PRDM15: variants seen among roughly 807,000 people sequenced by gnomAD.
PRDM15 encodes PR/SET domain 15.
In PRDM15, 64 loss-of-function variants were observed where a neutral mutation model predicts 128.6. The observed-to-expected ratio is 0.50, with a 90% CI of 0.41 to 0.61. PRDM15 has a LOEUF of 0.61. Ranked by LOEUF, PRDM15 falls within the 20% of genes least tolerant of loss-of-function variation. The probability of loss-of-function intolerance (pLI) is 0.00; values close to 1 mark genes in which losing one functional copy is unlikely to be tolerated. For synonymous variants in PRDM15, 615 were observed against 621.8 expected (o/e 0.99, Z 0.16); for missense variants, 1,242 against 1,569.1 (o/e 0.79, Z 3.52).
chr21:41,853,562 G>C (rs1022845576), intron 5 of PRDM15, among the ~76,000 whole-genome samples: 4 of 152,132 alleles, frequency 2.6e-5, no homozygotes, highest in African/African-American at 9.7e-5. Context: ...GTTTCTTCAG[G>C]TTTTATGAGG....
At chr21:41,819,242 G>A (rs1034875962) in intron 18 of PRDM15, among the ~76,000 whole-genome samples, 1 of 152,200 alleles carries the variant, frequency 6.6e-6, no homozygotes, top group Admixed American at 6.5e-5. Context: ...TCGCACTATG[G>A]TAGATACCTT....
chr21:41,852,813 A>T (rs566449768), intron 5 of PRDM15, among the ~76,000 whole-genome samples: 2 of 152,258 alleles, frequency 1.3e-5, no homozygotes, highest in South Asian at 4.2e-4. Context: ...GCTCCCCAAA[A>T]TTCACATCCA....
At chr21:41,852,764 C>T (rs1401722354) in intron 5 of PRDM15, among the ~76,000 whole-genome samples, 1 of 152,240 alleles carries the variant, frequency 6.6e-6, no homozygotes, top group Non-Finnish European at 1.5e-5. Context: ...GGCCCCTCTC[C>T]ACCCAGCCCT....
In PRDM15 at chr21:41,816,433, A is replaced by T. The variant is rs540742911; in HGVS notation, c.2261-597T>A. Among the ~76,000 whole-genome samples the T allele has an allele frequency of 2.6e-5, 4 of 152,244 alleles. No homozygotes were observed. The South Asian group carries it at 6.2e-4, about 24-fold the overall frequency. ...AGGCATGTGCGGCTTGGTACACCTG[A>T]CCGTGAGGCTGACACGCACCAGGGA... On this transcript the variant is annotated intron_variant, in intron 18 of 23. Coordinates refer to ENST00000398548, the MANE Select transcript of PRDM15 (RefSeq NM_001040424.3).
intron 5 of PRDM15, among the ~76,000 whole-genome samples, chr21:41,851,973 G>A (rs1412194241): frequency 6.6e-6 from 1 of 152,184 alleles, no homozygotes; most frequent in Non-Finnish European, 1.5e-5. Context: ...GACTGTCCTG[G>A]TAGAATTATT....
chr21:41,798,933 C>G lies in PRDM15; in HGVS notation c.*2307G>C, dbSNP rs954744211. 2.0e-5 allele frequency: 3 copies of G among 152,044 alleles called. No individual in the cohort carries two copies. Among genetic ancestry groups the G allele is most frequent in the Admixed American group, 1.3e-4 (2 of 15,264 alleles). 9.4% of individuals were successfully genotyped at this position (152,044 alleles called of 1,614,324 possible). On this transcript the variant is annotated 3_prime_UTR_variant, in exon 24 of 24. Transcript: ENST00000398548. ...CCTCAGACAGTGACCCTATTAAGAC[C>G]ACGTATGTTTACAGAAAACTTGGGA...
At chr21:41,843,950 TAAA>T (rs1555883669) in intron 6 of PRDM15, among the ~76,000 whole-genome samples, 15 of 123,254 alleles carry the variant, frequency 1.2e-4, no homozygotes, top group African/African-American at 1.8e-4. Context: ...CCTTGTATTG[TAAA>T]AAAAAAAAAA....
rs112884708 is a variant in PRDM15, at chr21:41,821,775, C to T, written c.1896+128G>A. On this transcript the variant is annotated intron_variant, in intron 15 of 23. Coordinates refer to ENST00000398548, the MANE Select transcript of PRDM15 (RefSeq NM_001040424.3). This position sits in a 1 kb window ranked among gnomAD's most constrained non-coding sequence, Gnocchi z 5.4. ...CCCAGTCTGCAGTAGGACCACTGGC[C>T]GGAGCCTTTGGGGAGGGAGGGCTGC... The T allele has an allele frequency of 3.2e-5, 38 of 1,181,090 alleles. 1 individual carries two copies. The highest frequency in any genetic ancestry group is 1.4e-4 in the South Asian group (10 of 73,040). The allele number at this position is 1,181,090 out of a possible 1,614,324, so 73.2% of individuals were successfully genotyped here.
intron 6 of PRDM15, among the ~76,000 whole-genome samples, chr21:41,845,659 G>A (rs1313038711): frequency 6.6e-6 from 1 of 152,116 alleles, no homozygotes; most frequent in Non-Finnish European, 1.5e-5. Context: ...GGAAGTTTCT[G>A]GAGGACCTGG....
At chr21:41,815,684 C>T (rs767569711) in intron 19 of PRDM15, 21 bp downstream of exon 19, 18 of 1,610,560 alleles carry the variant, frequency 1.1e-5, no homozygotes, top group African/African-American at 4.0e-5. Flanking sequence ...GTGGCTGGCG[C>T]GGCCCGGGCC....
In PRDM15 at chr21:41,810,421, A is replaced by G; in HGVS notation, c.2477-92T>C. On this transcript the variant is annotated intron_variant, in intron 20 of 23. Coordinates refer to ENST00000398548, the MANE Select transcript of PRDM15 (RefSeq NM_001040424.3). This position sits in a 1 kb window ranked among gnomAD's most constrained non-coding sequence, Gnocchi z 6.4. ...CATCCCAATGACCCTGGCCTGCTGG[A>G]CGAGGCAAGAAGCCTGTCACGCCCC... 1 of 1,432,898 alleles carries G rather than the reference A, an allele frequency of 7.0e-7. No homozygotes were observed. The highest frequency in any genetic ancestry group is 2.0e-5 in the Admixed American group (1 of 49,806). 88.8% of individuals were successfully genotyped at this position (1,432,898 alleles called of 1,614,324 possible). A position where few individuals can be genotyped will look rare whatever the true frequency, so the allele number is the denominator to read the frequency against.
At chr21:41,865,945 A>G (rs899575117) in intron 1 of PRDM15, among the ~76,000 whole-genome samples, 1 of 152,016 alleles carries the variant, frequency 6.6e-6, no homozygotes, top group Non-Finnish European at 1.5e-5. Context: ...TGGTCTCACT[A>G]TGTTGGCCAG....
Position 41,870,012 on chromosome 21 carries a change from C to T in PRDM15, c.-10+9258G>A, listed in dbSNP as rs1486873192. On this transcript the variant is annotated intron_variant, in intron 1 of 23. Transcript: ENST00000398548. Reference sequence around the variant, plus strand: ...CCAGTCAATGCAGTCTTGATGACTGCAGCTTTAATCAAGTCTCAGAGCTGG... The same window carrying T: ...CCAGTCAATGCAGTCTTGATGACTGTAGCTTTAATCAAGTCTCAGAGCTGG... Among the ~76,000 whole-genome samples the T allele has an allele frequency of 2.0e-5, 3 of 152,204 alleles. No homozygotes were observed. In the East Asian group the frequency reaches 5.8e-4, roughly 29 times the overall value.
intron 1 of PRDM15, among the ~76,000 whole-genome samples, chr21:41,872,661 C>T (rs750700312): frequency 4.6e-5 from 7 of 152,092 alleles, no homozygotes; most frequent in Non-Finnish European, 8.8e-5. Context: ...CTCTTTGTGT[C>T]GGAAACATTC....
chr21:41,859,569 G>T lies in PRDM15; in HGVS notation c.131+23C>A. The T allele has an allele frequency of 6.2e-7, 1 of 1,600,076 alleles. No homozygotes were observed. On this transcript the variant is annotated intron_variant, in intron 3 of 23. Transcript: ENST00000398548. This position sits in a 1 kb window ranked among gnomAD's most constrained non-coding sequence, Gnocchi z 5.3. ...GCCGCAGCTGGCATATGGAAGGCCC[G>T]GGAGCTCACGGCGGTCACTCACCTT...
chr21:41,874,525 A>ATATATATTTTTTTTTTTT, intron 1 of PRDM15, among the ~76,000 whole-genome samples: 2 of 95,828 alleles, frequency 2.1e-5, no homozygotes, highest in Non-Finnish European at 4.0e-5. Context: ...ATATATATAT[A>ATATATATTTTTTTTTTTT]TTTTTTTTTT....
rs773458140 is a variant in PRDM15 at position 41,801,327 on chromosome 21, TGGCAAGACGTCAGTCTGG to T, written c.3321_3338del (p.Gln1108_Pro1113del). The T allele has an allele frequency of 8.9e-6, 14 of 1,581,772 alleles. No individual in the cohort carries two copies. Among genetic ancestry groups the T allele is most frequent in the Non-Finnish European group, 2.6e-6 (3 of 1,161,352 alleles). On this transcript the variant is annotated inframe_deletion, in exon 24 of 24. Coordinates refer to ENST00000398548, the MANE Select transcript of PRDM15 (RefSeq NM_001040424.3). ...GTGGGGGTGCCTGCGGCTGCGAGGGTGGCAAGACGTCAGTCTGGGGCACTGCCCGCCACGTGAGCGGGT... is the reference window on the plus strand; with the variant it reads ...GTGGGGGTGCCTGCGGCTGCGAGGGTGGCACTGCCCGCCACGTGAGCGGGT...
rs1197300989 is a variant in PRDM15, at chr21:41,819,676, C to A, written c.2166G>T (p.Gln722His). 7 of 1,607,652 alleles carry A rather than the reference C, an allele frequency of 4.4e-6. No individual in the cohort carries two copies. Among genetic ancestry groups the A allele is most frequent in the Non-Finnish European group, 5.9e-6 (7 of 1,178,724 alleles). Reference sequence around the variant, plus strand: ...CCTTCCTGGCAAAGGACTTCCCACACTGCTCGCAGGCGTGGCTCTTCACAC... The same window carrying A: ...CCTTCCTGGCAAAGGACTTCCCACAATGCTCGCAGGCGTGGCTCTTCACAC... Reference protein sequence around the residue: ...HTGVKSHACEQCGKSFARKDM... With the variant: ...HTGVKSHACEHCGKSFARKDM... Residue 722 changes from glutamine (Q) to histidine (H), a missense_variant, in exon 18 of 24, where the codon CAG (glutamine) becomes CAT (histidine). Physicochemically the swap from Gln to His is conservative, Grantham distance 24 (BLOSUM62 0). Transcript: ENST00000398548.
intron 5 of PRDM15, among the ~76,000 whole-genome samples, chr21:41,848,488 C>G (rs1247090607): frequency 6.6e-6 from 1 of 152,364 alleles, no homozygotes; most frequent in African/African-American, 2.4e-5. Flanking sequence ...TACGCTTGCT[C>G]TCTGAGAATC....
Sources: allele counts gnomAD v4.1 joint callset (sites outside exome capture counted in the v4.1 genomes callset), GRCh38; gene constraint gnomAD v4.1.1; non-coding constraint Gnocchi (gnomAD v3.1); transcripts MANE v1.5; gene names NCBI Gene and HGNC (gene_info 2026-07-23, HGNC 2026-07-21).